EPB41L4A: variants seen among roughly 807,000 people sequenced by gnomAD.
EPB41L4A encodes erythrocyte membrane protein band 4.1 like 4A.
A neutral mutation model predicts 108.6 loss-of-function variants in EPB41L4A; 100 were observed. The observed-to-expected ratio is 0.92, with a 90% CI of 0.78 to 1.09. EPB41L4A has a LOEUF of 1.09. Among genes scored for constraint, EPB41L4A ranks in the 50% least tolerant of loss-of-function variants. The probability of loss-of-function intolerance (pLI) is 0.00; values close to 1 mark genes in which losing one functional copy is unlikely to be tolerated. For synonymous variants in EPB41L4A, 319 were observed against 289.0 expected (o/e 1.10, Z -1.05); for missense variants, 1,030 against 842.7 (o/e 1.22, Z -2.75).
intron 18 of EPB41L4A, among the ~76,000 whole-genome samples, chr5:112,178,296 A>G (rs1032867944): frequency 6.6e-6 from 1 of 152,182 alleles, no homozygotes; most frequent in African/African-American, 2.4e-5. Flanking sequence ...CAGAGCTTCA[A>G]AATAACTTGA....
intron 1 of EPB41L4A, among the ~76,000 whole-genome samples, chr5:112,322,055 C>T (rs1438641974): frequency 6.6e-6 from 1 of 152,192 alleles, no homozygotes; most frequent in Non-Finnish European, 1.5e-5. Context: ...TAACATCTAT[C>T]AGCACATATT....
intron 1 of EPB41L4A, among the ~76,000 whole-genome samples, chr5:112,330,928 C>T (rs923676059): frequency 6.6e-6 from 1 of 152,126 alleles, no homozygotes; most frequent in Admixed American, 6.5e-5. Context: ...ATTGTGTAAA[C>T]TTCAGTACTG....
chr5:112,266,272 C>A lies in EPB41L4A; in HGVS notation c.394G>T (p.Val132Phe). 1 of 1,610,722 alleles carries A rather than the reference C, an allele frequency of 6.2e-7. No individual in the cohort carries two copies. The highest frequency in any genetic ancestry group is 8.5e-7 in the Non-Finnish European group (1 of 1,178,742). ...DVLQGRLPCP[V>F]NTAAQLGAYA... is the part of the protein sequence containing the mutation. ...GCTCCCAGCTGAGCAGCAGTGTTGA[C>A]GGGACAGGGCAGACGGCCCTGAAGG... is the stretch of plus-strand genomic sequence containing the variant. Residue 132 changes from valine to phenylalanine, a missense_variant, in exon 5 of 23, where the codon GTC (valine) becomes TTC (phenylalanine). Val to Phe is a conservative substitution (Grantham distance 50). Coordinates refer to ENST00000261486, the MANE Select transcript of EPB41L4A (RefSeq NM_022140.5).
At chr5:112,165,891 T>C (rs1212760987) in intron 22 of EPB41L4A, among the ~76,000 whole-genome samples, 1 of 152,216 alleles carries the variant, frequency 6.6e-6, no homozygotes, top group East Asian at 1.9e-4. Flanking sequence ...CTGGCTTAAT[T>C]TGTTTTACTG....
intron 12 of EPB41L4A, among the ~76,000 whole-genome samples, chr5:112,218,099 GTCC>G (rs1267511566): frequency 6.6e-6 from 1 of 152,232 alleles, no homozygotes; most frequent in African/African-American, 2.4e-5. Context: ...CTCACAGACA[GTCC>G]TCCTTGTGGG....
At chr5:112,239,770 A>T (rs1420538068) in intron 10 of EPB41L4A, 33 bp from the exon 11 acceptor site, 6 of 1,512,802 alleles carry the variant, frequency 4.0e-6, no homozygotes, top group Non-Finnish European at 5.5e-6. Flanking sequence ...TCAGACAAAG[A>T]CTCAATGTTA....
rs554235867 is a variant in EPB41L4A at position 112,282,636 on chromosome 5, C to T, written c.205-2313G>A. Among the ~76,000 whole-genome samples, 335 of 152,236 alleles carry T rather than the reference C, an allele frequency of 2.2e-3. 2 individuals are homozygous for T. The highest frequency in any genetic ancestry group is 7.9e-3 in the African/African-American group (326 of 41,522). On this transcript the variant is annotated intron_variant, in intron 2 of 22. Transcript: ENST00000261486. ...CAGTAAGGGAGAGGGCTTATGGATG[C>T]GTTATTAGAGGCTCTCCCAGTTTCT...
chr5:112,407,918 C>T (rs960252049), intron 1 of EPB41L4A, among the ~76,000 whole-genome samples: 1 of 152,204 alleles, frequency 6.6e-6, no homozygotes, highest in Non-Finnish European at 1.5e-5. Context: ...GCAAAATATA[C>T]AGTGTCGCTG....
At chr5:112,249,897 T>C (rs189999360) in intron 9 of EPB41L4A, among the ~76,000 whole-genome samples, 5 of 152,290 alleles carry the variant, frequency 3.3e-5, no homozygotes, top group East Asian at 1.9e-4. Context: ...GCTAGTAAGG[T>C]TGTGGGTTGT....
At chr5:112,305,331 C>T (rs1018048226) in intron 2 of EPB41L4A, among the ~76,000 whole-genome samples, 13 of 152,016 alleles carry the variant, frequency 8.6e-5, no homozygotes, top group African/African-American at 2.9e-4. Flanking sequence ...TGATGAGTTC[C>T]GGGGTTCTAG....
At chr5:112,191,815 A>G (rs1440913175) in intron 17 of EPB41L4A, among the ~76,000 whole-genome samples, 2 of 152,188 alleles carry the variant, frequency 1.3e-5, no homozygotes, top group Non-Finnish European at 2.9e-5. Context: ...AGGTTCTAAA[A>G]AGCAAATTTG....
intron 4 of EPB41L4A, among the ~76,000 whole-genome samples, chr5:112,268,773 G>T (rs556099550): frequency 6.9e-6 from 1 of 144,162 alleles, no homozygotes; most frequent in Non-Finnish European, 1.5e-5. Context: ...AGCCCAGAAG[G>T]TTGAGGTTGC....
At chr5:112,399,897 TC>T (rs1761623429) in intron 1 of EPB41L4A, among the ~76,000 whole-genome samples, 1 of 152,304 alleles carries the variant, frequency 6.6e-6, no homozygotes, top group South Asian at 2.1e-4. Flanking sequence ...AAGACACTTC[TC>T]CATGGGCCCA....
At chr5:112,240,611 T>C in intron 10 of EPB41L4A, 108 bp downstream of exon 10, 1 of 623,784 alleles carries the variant, frequency 1.6e-6, no homozygotes, top group Non-Finnish European at 2.7e-6. Context: ...AGAAAATTAA[T>C]AAAAGGGAAA....
chr5:112,304,535 TG>T lies in EPB41L4A; in HGVS notation c.204+2850del, dbSNP rs1227761793. Among the ~76,000 whole-genome samples the T allele has an allele frequency of 5.9e-5, 9 of 152,322 alleles. No homozygotes were observed. In the South Asian group the frequency reaches 1.9e-3, roughly 32 times the overall value. Reference sequence around the variant, plus strand: ...CTAATCTTAAAACCAGAAGTAGTATTGAGATATCACATTTATATTTATTACT... The same window carrying T: ...CTAATCTTAAAACCAGAAGTAGTATTAGATATCACATTTATATTTATTACT... On this transcript the variant is annotated intron_variant, in intron 2 of 22. Coordinates refer to ENST00000261486, the MANE Select transcript of EPB41L4A (RefSeq NM_022140.5).
In EPB41L4A at chr5:112,297,035, T is replaced by G. The variant is rs895587086; in HGVS notation, c.204+10351A>C. 1.3e-5 allele frequency among the ~76,000 whole-genome samples: 2 copies of G among 151,880 alleles called. 1 individual carries two copies. The highest frequency in any genetic ancestry group is 1.3e-4 in the Admixed American group (2 of 15,234). ...CACACACACACCACAGTTTATCCAC[T>G]CGTTGACTGATGGGCATTTGGGTTG... On this transcript the variant is annotated intron_variant, in intron 2 of 22. Coordinates refer to ENST00000261486, the MANE Select transcript of EPB41L4A (RefSeq NM_022140.5).
chr5:112,232,300 G>A (rs890046751), intron 12 of EPB41L4A, among the ~76,000 whole-genome samples: 3 of 152,168 alleles, frequency 2.0e-5, no homozygotes, highest in Non-Finnish European at 4.4e-5. Flanking sequence ...ATATGAGCGT[G>A]TTCTCTCTCA....
Position 112,163,185 on chromosome 5 carries a change from A to G in EPB41L4A, c.*1805T>C, listed in dbSNP as rs1760020727. 1 of 152,246 alleles carries G rather than the reference A, an allele frequency of 6.6e-6. No individual in the cohort carries two copies. The highest frequency in any genetic ancestry group is 1.5e-5 in the Non-Finnish European group (1 of 68,046). 9.4% of individuals were successfully genotyped at this position (152,246 alleles called of 1,614,324 possible). A position where few individuals can be genotyped will look rare whatever the true frequency, so the allele number is the denominator to read the frequency against. On this transcript the variant is annotated 3_prime_UTR_variant, in exon 23 of 23. Coordinates refer to ENST00000261486, the MANE Select transcript of EPB41L4A (RefSeq NM_022140.5). Reference sequence around the variant, plus strand: ...GGACTAGTAAAATTAGTGAAATAAGATCGTTTATAGTTGGATGACAGAGCC... The same window carrying G: ...GGACTAGTAAAATTAGTGAAATAAGGTCGTTTATAGTTGGATGACAGAGCC...
At chr5:112,277,024 G>C (rs535240644) in intron 3 of EPB41L4A, among the ~76,000 whole-genome samples, 13 of 152,110 alleles carry the variant, frequency 8.5e-5, no homozygotes, top group Non-Finnish European at 1.8e-4. Flanking sequence ...TTGTATTTCT[G>C]ACAAATACAC....
Sources: allele counts gnomAD v4.1 joint callset (sites outside exome capture counted in the v4.1 genomes callset), GRCh38; gene constraint gnomAD v4.1.1; transcripts MANE v1.5; gene names NCBI Gene and HGNC (gene_info 2026-07-23, HGNC 2026-07-21).